Variants in AMPD3 observed in about 807,000 individuals in gnomAD.
AMPD3 encodes adenosine monophosphate deaminase 3.
Under a neutral mutation model 82.3 loss-of-function variants are expected in AMPD3, and 57 were observed. That is an observed-to-expected ratio of 0.69 (90% CI 0.56 to 0.86). The LOEUF (loss-of-function observed/expected upper bound fraction) is 0.86, where lower values mean the gene tolerates loss of function less well. AMPD3 is among the 40% of genes least tolerant of loss of function. The pLI is 0.00. For missense variants in AMPD3, 870 were observed against 1,003.8 expected, an observed-to-expected ratio of 0.87 and a Z score of 1.80; for synonymous variants, 381 against 394.7, an observed-to-expected ratio of 0.97 and a Z score of 0.41.
At chr11:10,498,729 T>C (rs7937616) in intron 10 of AMPD3, among the ~76,000 whole-genome samples, 147,338 of 152,348 alleles carry the variant, frequency 0.97, 71,451 homozygotes, top group Middle Eastern at 1. Flanking sequence ...CTGGCTGGGG[T>C]CTGGGGCGTG....
At chr11:10,461,265 T>C in intron 1 of AMPD3, 4 of 1,422,722 alleles carry the variant, frequency 2.8e-6, no homozygotes, top group Non-Finnish European at 3.7e-6. Flanking sequence ...GCCCACCTAG[T>C]TGAACAGTTC....
intron 12 of AMPD3, 89 bp from the exon 13 acceptor site, chr11:10,502,632 G>A: frequency 6.3e-7 from 1 of 1,593,560 alleles, no homozygotes; most frequent in South Asian, 1.1e-5. Context: ...GTTTCCACTG[G>A]TGAATGCTTC....
chr11:10,451,500 A>G (rs964494090), upstream of AMPD3, among the ~76,000 whole-genome samples: 1 of 152,116 alleles, frequency 6.6e-6, no homozygotes, highest in South Asian at 2.1e-4. Context: ...CCGGCAAGGG[A>G]GGTGTACAGC....
At chr11:10,504,192 A>C (rs1340150802) in intron 13 of AMPD3, 31 of 984,116 alleles carry the variant, frequency 3.2e-5, no homozygotes, top group Non-Finnish European at 3.7e-5. Context: ...ACTTAAGAAA[A>C]TAGTGTGTTA....
At position 10,494,522 on chromosome 11, in the gene AMPD3, T is replaced by C. The variant is rs1564853577; in HGVS notation, c.1135-377T>C. The C allele has an allele frequency of 7.1e-6, 7 of 984,122 alleles. No homozygotes were observed. In the South Asian group the frequency reaches 2.4e-4, roughly 33 times the overall value. The allele number at this position is 984,122 out of a possible 1,614,324, so 61.0% of individuals were successfully genotyped here. On this transcript the variant is annotated intron_variant, in intron 7 of 14. Transcript: ENST00000396553. ...GCTTTATTAGAACAAAAAAAACTTTTGTTAAACAAAACATTGAATGATATA... is the reference window on the plus strand; with the variant it reads ...GCTTTATTAGAACAAAAAAAACTTTCGTTAAACAAAACATTGAATGATATA...
Position 10,482,309 on chromosome 11 carries a change from C to T in AMPD3, c.589+84C>T. On this transcript the variant is annotated intron_variant, in intron 4 of 14. Transcript: ENST00000396553. The stretch of plus-strand genomic sequence containing the variant: ...GGCTTTTTTCTGGCTCGGTCTATTT[C>T]CCCTGATAGTATTTTAAAATGACAA... 3 of 1,458,978 alleles carry T rather than the reference C, an allele frequency of 2.1e-6. No homozygotes were observed. In the African/African-American group the frequency reaches 4.2e-5, roughly 21 times the overall value. The allele number at this position is 1,458,978 out of a possible 1,614,324, so 90.4% of individuals were successfully genotyped here.
At chr11:10,470,616 G>A (rs901435920) in intron 2 of AMPD3, among the ~76,000 whole-genome samples, 1 of 152,174 alleles carries the variant, frequency 6.6e-6, no homozygotes, top group African/African-American at 2.4e-5. Flanking sequence ...CTTCAGCAAA[G>A]TCTCAGGATA....
At chr11:10,489,483 G>A (rs1209573714) in intron 6 of AMPD3, among the ~76,000 whole-genome samples, 1 of 152,180 alleles carries the variant, frequency 6.6e-6, no homozygotes, top group African/African-American at 2.4e-5. Flanking sequence ...TGGGGCTAGG[G>A]TAACAAATCA....
At chr11:10,476,891 T>C (rs1848754093) in intron 2 of AMPD3, 1 of 983,174 alleles carries the variant, frequency 1.0e-6, no homozygotes, top group Non-Finnish European at 1.2e-6. Flanking sequence ...AGGGCTCAGG[T>C]TGAGTTTCCC....
At chr11:10,496,438 C>A (rs1849403027) in intron 9 of AMPD3, 1 of 985,172 alleles carries the variant, frequency 1.0e-6, no homozygotes, top group African/African-American at 1.7e-5. Flanking sequence ...GCCCATGGCT[C>A]CAGGATGGGC....
chr11:10,493,690 C>T (rs1160609649), intron 7 of AMPD3, 147 bp downstream of exon 7: 2 of 902,664 alleles, frequency 2.2e-6, no homozygotes, highest in East Asian at 5.3e-5. Context: ...CATGCGGCCT[C>T]AGAGAATAAC....
chr11:10,455,906 G>T (rs565529352), intron 1 of AMPD3: 1 of 985,266 alleles, frequency 1.0e-6, no homozygotes, highest in Non-Finnish European at 1.2e-6. Context: ...CCTGAAGCAC[G>T]TTCAGAACGG....
chr11:10,477,532 C>T (rs1848775681), intron 2 of AMPD3, among the ~76,000 whole-genome samples: 1 of 152,174 alleles, frequency 6.6e-6, no homozygotes, highest in Non-Finnish European at 1.5e-5. Flanking sequence ...GTAGAGTCAT[C>T]ACAAATCAGC....
intron 3 of AMPD3, among the ~76,000 whole-genome samples, chr11:10,480,199 C>T (rs527984636): frequency 6.6e-6 from 1 of 152,362 alleles, no homozygotes; most frequent in South Asian, 2.1e-4. Context: ...CTGCTGTCAG[C>T]CATGGGGCCT....
chr11:10,471,511 T>C (rs578157237), intron 2 of AMPD3, among the ~76,000 whole-genome samples: 8 of 152,266 alleles, frequency 5.3e-5, no homozygotes, highest in Admixed American at 2.6e-4. Flanking sequence ...TCAGAGTGAA[T>C]AGGCAACCTT....
In AMPD3 at chr11:10,461,639, G is replaced by C. The variant is rs935689688; in HGVS notation, c.120G>C (p.Leu40=). 2 of 1,614,158 alleles carry C rather than the reference G, an allele frequency of 1.2e-6. No homozygotes were observed. The highest frequency in any genetic ancestry group is 1.7e-5 in the Admixed American group (1 of 60,018). The change falls in exon 2 of 15, where the codon CTG becomes CTC. Residue 40 remains leucine (L), a synonymous_variant. Transcript: ENST00000396553. ...REEDSKDALS[L]FTVPEDCPIG... Reference sequence around the variant, plus strand: ...AGGACAGCAAAGATGCCCTGTCCCTGTTCACTGTCCCAGAGGACTGCCCCA... The same window carrying C: ...AGGACAGCAAAGATGCCCTGTCCCTCTTCACTGTCCCAGAGGACTGCCCCA...
At chr11:10,461,123 G>C in intron 1 of AMPD3, 1 of 1,192,810 alleles carries the variant, frequency 8.4e-7, no homozygotes, top group Non-Finnish European at 1.1e-6. Flanking sequence ...TATTGTTGCA[G>C]CTATAACAGT....
At chr11:10,452,279 C>A (rs1564835363), upstream of AMPD3, among the ~76,000 whole-genome samples, 1 of 152,124 alleles carries the variant, frequency 6.6e-6, no homozygotes, top group African/African-American at 2.4e-5. Flanking sequence ...AACATGTAGC[C>A]TTCGGGTTAA....
At chr11:10,460,124 G>T (rs1848224308) in intron 1 of AMPD3, among the ~76,000 whole-genome samples, 1 of 147,058 alleles carries the variant, frequency 6.8e-6, no homozygotes, top group African/African-American at 2.5e-5. Flanking sequence ...TTGAGACGAG[G>T]TCTCACCCTG....
Sources: allele counts gnomAD v4.1 joint callset (sites outside exome capture counted in the v4.1 genomes callset), GRCh38; gene constraint gnomAD v4.1.1; transcripts MANE v1.5; gene names NCBI Gene and HGNC (gene_info 2026-07-23, HGNC 2026-07-21).